The following EPB41L3 variants were observed in gnomAD, a reference collection of about 807,000 sequenced individuals.
The protein encoded by EPB41L3 is erythrocyte membrane protein band 4.1 like 3, also known as band 4.1-like protein 3.
In EPB41L3, 57 loss-of-function variants were observed where a neutral mutation model predicts 127.1. That is an observed-to-expected ratio of 0.45 (90% confidence interval 0.36 to 0.56). The LOEUF is 0.56. EPB41L3 is among the 20% of genes least tolerant of loss of function. EPB41L3 has a pLI of 0.00. For missense variants in EPB41L3, 1,273 were observed against 1,372.2 expected, an observed-to-expected ratio of 0.93 and a Z score of 1.14; for synonymous variants, 572 against 549.5, an observed-to-expected ratio of 1.04 and a Z score of -0.57.
chr18:5,516,784 A>G (rs2092768413), intron 1 of EPB41L3, among the ~76,000 whole-genome samples: 1 of 152,244 alleles, frequency 6.6e-6, no homozygotes, highest in Non-Finnish European at 1.5e-5. Context: ...TGATAACTGC[A>G]CACAAAATCT....
At chr18:5,439,122 T>C (rs1422849334) in intron 5 of EPB41L3, among the ~76,000 whole-genome samples, 1 of 152,102 alleles carries the variant, frequency 6.6e-6, no homozygotes, top group Non-Finnish European at 1.5e-5. Context: ...ACCCAAGAGG[T>C]ACACTAGAGC....
chr18:5,393,381 C>A lies in EPB41L3; in HGVS notation c.*104G>T. ...CTTCTGGACTGAAATTTTCCACGGA[C>A]AGATACAAGTCAGTTGGGTTAGAAG... On this transcript the variant is annotated 3_prime_UTR_variant, in exon 23 of 23. Coordinates refer to ENST00000341928, the MANE Select transcript of EPB41L3 (RefSeq NM_012307.5). 1 of 633,362 alleles carries A rather than the reference C, an allele frequency of 1.6e-6. No individual in the cohort carries two copies. 39.2% of individuals were successfully genotyped at this position (633,362 alleles called of 1,614,324 possible). A position where few individuals can be genotyped will look rare whatever the true frequency, so the allele number is the denominator to read the frequency against.
At chr18:5,622,778 C>T (rs2094877817) in intron 1 of EPB41L3, among the ~76,000 whole-genome samples, 1 of 152,082 alleles carries the variant, frequency 6.6e-6, no homozygotes, top group South Asian at 2.1e-4. Flanking sequence ...TTCTTTAGCT[C>T]TGCAGAATGC....
In EPB41L3 at chr18:5,543,296, C is replaced by G. The variant is rs966854107; in HGVS notation, c.-12+617G>C. On this transcript the variant is annotated intron_variant, in intron 1 of 22. Transcript: ENST00000341928. The surrounding 1 kb of genome is among the most constrained non-coding windows in gnomAD (Gnocchi z 5.2). The stretch of plus-strand genomic sequence containing the variant: ...CCGGCCCCCCTGCCCAGCGGGGATG[C>G]TTTGTGCGGAGCGCACCTTATCGGC... The G allele has an allele frequency of 7.3e-5, 11 of 150,670 alleles. No homozygotes were observed. The highest frequency in any genetic ancestry group is 2.0e-4 in the East Asian group (1 of 5,122). The allele number at this position is 150,670 out of a possible 1,614,324, so 9.3% of individuals were successfully genotyped here.
At chr18:5,565,978 G>T (rs2094193650) in intron 3 of EPB41L3, among the ~76,000 whole-genome samples, 1 of 151,898 alleles carries the variant, frequency 6.6e-6, no homozygotes, top group African/African-American at 2.4e-5. Flanking sequence ...AATAATAAGA[G>T]CTATCTATGA....
chr18:5,514,277 A>C (rs1254974523), intron 1 of EPB41L3, among the ~76,000 whole-genome samples: 1 of 152,204 alleles, frequency 6.6e-6, no homozygotes, highest in African/African-American at 2.4e-5. Context: ...TCACAGGATA[A>C]AGCAATGCAA....
chr18:5,527,137 T>C (rs2093252377), intron 1 of EPB41L3, among the ~76,000 whole-genome samples: 1 of 151,622 alleles, frequency 6.6e-6, no homozygotes. Flanking sequence ...GGGGGAGAAA[T>C]TATCCCAAAA....
intron 1 of EPB41L3, among the ~76,000 whole-genome samples, chr18:5,538,905 A>T (rs1259389690): frequency 2.6e-5 from 4 of 152,120 alleles, no homozygotes; most frequent in Admixed American, 1.3e-4. Context: ...TATGAAGAGG[A>T]CCACGCCATT....
rs117982145 is a variant in EPB41L3 at position 5,466,551 on chromosome 18, C to G, written c.381+11690G>C. 6.6e-5 allele frequency among the ~76,000 whole-genome samples: 10 copies of G among 152,296 alleles called. No individual in the cohort carries two copies. The East Asian group carries it at 1.5e-3, about 23-fold the overall frequency. ...TGTTGGAAATCATGCACGCAACACG[C>G]CACACACATCACATACACATTTTAC... On this transcript the variant is annotated intron_variant, in intron 3 of 22. Transcript: ENST00000341928.
At chr18:5,630,356 C>A (rs533917925), upstream of EPB41L3, 1 of 517,846 alleles carries the variant, frequency 1.9e-6, no homozygotes, top group Admixed American at 1.9e-5. Flanking sequence ...GCCCGGCTGC[C>A]AAGAAGAGAA....
intron 2 of EPB41L3, among the ~76,000 whole-genome samples, chr18:5,486,953 G>C (rs2089857975): frequency 6.6e-6 from 1 of 152,142 alleles, no homozygotes; most frequent in Non-Finnish European, 1.5e-5. Flanking sequence ...ACTATCATAT[G>C]ATCCAGCAAT....
At chr18:5,601,583 G>T (rs114002586) in intron 3 of EPB41L3, among the ~76,000 whole-genome samples, 2 of 152,058 alleles carry the variant, frequency 1.3e-5, no homozygotes, top group Non-Finnish European at 2.9e-5. Flanking sequence ...GCTGAATTAC[G>T]CAGCAGAGTA....
intron 1 of EPB41L3, among the ~76,000 whole-genome samples, chr18:5,540,912 T>A (rs954357512): frequency 1.3e-5 from 2 of 151,654 alleles, no homozygotes; most frequent in Non-Finnish European, 2.9e-5. Flanking sequence ...GTGAAACCCC[T>A]TCTCTACCAA....
At chr18:5,508,766 C>CAAAAAAAAAAAAAA (rs397969769) in intron 1 of EPB41L3, among the ~76,000 whole-genome samples, 1 of 52,596 alleles carries the variant, frequency 1.9e-5, no homozygotes, top group African/African-American at 6.1e-5. Context: ...GACTCCATCT[C>CAAAAAAAAAAAAAA]AAAAAAAAAA....
intron 13 of EPB41L3, among the ~76,000 whole-genome samples, chr18:5,411,815 T>C (rs975472365): frequency 3.9e-5 from 6 of 152,128 alleles, no homozygotes; most frequent in Admixed American, 2.6e-4. Flanking sequence ...GCTATGCTGA[T>C]TTCTTGGCAC....
chr18:5,440,831 A>G (rs1322672238), intron 5 of EPB41L3, among the ~76,000 whole-genome samples: 1 of 152,210 alleles, frequency 6.6e-6, no homozygotes, highest in Non-Finnish European at 1.5e-5. Context: ...CTGCATGCTT[A>G]AAAGATGACT....
chr18:5,496,617 A>T (rs2091204324), intron 1 of EPB41L3, among the ~76,000 whole-genome samples: 1 of 152,240 alleles, frequency 6.6e-6, no homozygotes. Flanking sequence ...CCAGACTAGG[A>T]TTCCTGAACT....
At position 5,478,234 on chromosome 18, in the gene EPB41L3, CACTT is replaced by C; in HGVS notation, c.381+3_381+6del. ...TAGGACAGAAAAGTCTTAAGACACACACTTACCTCTACATCACAGGTATATTCTG... is the reference window on the plus strand; with the variant it reads ...TAGGACAGAAAAGTCTTAAGACACACACCTCTACATCACAGGTATATTCTG... On this transcript the variant is annotated splice_donor_5th_base_variant and intron_variant, in intron 3 of 22. Coordinates refer to ENST00000341928, the MANE Select transcript of EPB41L3 (RefSeq NM_012307.5). 6.2e-7 allele frequency: 1 copy of C among 1,613,036 alleles called. No individual in the cohort carries two copies. Among genetic ancestry groups the C allele is most frequent in the Non-Finnish European group, 8.5e-7 (1 of 1,179,064 alleles).
intron 12 of EPB41L3, 28 bp downstream of exon 12, chr18:5,419,683 G>A (rs2077232526): frequency 1.5e-5 from 24 of 1,612,438 alleles, no homozygotes; most frequent in Non-Finnish European, 1.9e-5. Flanking sequence ...GCTGGAGCAA[G>A]CTCTTGCAGG....
Sources: gnomAD v4.1 joint callset for allele counts (sites outside exome capture counted in the v4.1 genomes callset) on GRCh38, gnomAD v4.1.1 for gene constraint, Gnocchi (gnomAD v3.1) non-coding constraint, MANE v1.5 for transcripts, NCBI Gene and HGNC (gene_info 2026-07-23, HGNC 2026-07-21) for gene names.